PCDHGA8: variants seen among roughly 807,000 people sequenced by gnomAD.
PCDHGA8 encodes the protein protocadherin gamma subfamily A, 8, also known as protocadherin gamma-A8.
Under a neutral mutation model 59.2 loss-of-function variants are expected in PCDHGA8, and 45 were observed. The ratio of observed to expected loss-of-function variants is 0.76; its 90% CI spans 0.60 to 0.98. PCDHGA8 has a LOEUF of 0.98. Ranked by LOEUF, PCDHGA8 falls within the 50% of genes least tolerant of loss-of-function variation. PCDHGA8 has a pLI of 0.00. For synonymous variants in PCDHGA8, 531 were observed against 519.0 expected (o/e 1.02, Z -0.32); for missense variants, 1,257 against 1,196.2 (o/e 1.05, Z -0.75).
chr5:141,396,025 T>G (rs1486088514), intron 1 of PCDHGA8: 4 of 152,248 alleles, frequency 2.6e-5, no homozygotes, highest in African/African-American at 2.4e-5. Context: ...TTGTAAAATA[T>G]GTAAGAACAT....
rs144317211 is a variant in PCDHGA8 at position 141,432,088 on chromosome 5, A to G, written c.2424+36851A>G. On this transcript the variant is annotated intron_variant, in intron 1 of 3. Transcript: ENST00000398604. This position sits in a 1 kb window ranked among gnomAD's most constrained non-coding sequence, Gnocchi z 6.0. Reference sequence around the variant, plus strand: ...AAACTCATATCTCGCTGAACGTGGCAGACACCAACGACAACCCGCCGGTCT... The same window carrying G: ...AAACTCATATCTCGCTGAACGTGGCGGACACCAACGACAACCCGCCGGTCT... The G allele has an allele frequency of 6.2e-7, 1 of 1,614,148 alleles. No individual in the cohort carries two copies. Among genetic ancestry groups the G allele is most frequent in the South Asian group, 1.1e-5 (1 of 91,074 alleles).
rs773899530 is a variant in PCDHGA8 at position 141,494,864 on chromosome 5, G to A, written c.2482G>A (p.Gly828Ser). 1.6e-5 allele frequency: 26 copies of A among 1,613,950 alleles called. No individual in the cohort carries two copies. The Admixed American group carries it at 3.5e-4, about 22-fold the overall frequency. Reference protein sequence around the residue: ...FSQAQRPGTSGSQNGDDTGTW... With the variant: ...FSQAQRPGTSSSQNGDDTGTW... ...TCAGGCCCAGAGACCCGGCACCAGC[G>A]GGTAGGTGACTGATTCTCCAGCCCA... Residue 828 changes from glycine to serine, a missense_variant and splice_region_variant, in exon 2 of 4, where the codon GGC (glycine) becomes AGC (serine). Gly to Ser is a moderately conservative substitution (Grantham distance 56, BLOSUM62 0). Coordinates refer to ENST00000398604, the MANE Select transcript of PCDHGA8 (RefSeq NM_032088.2).
chr5:141,487,670 T>A lies in PCDHGA8; in HGVS notation c.2425-7137T>A. The A allele has an allele frequency of 6.2e-7, 1 of 1,612,302 alleles. No homozygotes were observed. Among genetic ancestry groups the A allele is most frequent in the Non-Finnish European group, 8.5e-7 (1 of 1,179,082 alleles). ...TGAGGGTTATTCTGATCCAGGCATA[T>A]GGCTAGGCCATGTCCTAGAGAGTAC... On this transcript the variant is annotated intron_variant, in intron 1 of 3. Transcript: ENST00000398604. This position sits in a 1 kb window ranked among gnomAD's most constrained non-coding sequence, Gnocchi z 5.0.
chr5:141,410,023 C>T (rs1172248089), intron 1 of PCDHGA8: 1 of 1,613,310 alleles, frequency 6.2e-7, no homozygotes, highest in South Asian at 1.1e-5. Flanking sequence ...TGTCCTACCA[C>T]GTGCTGCAGG....
chr5:141,467,897 A>G (rs1403276382), intron 1 of PCDHGA8, among the ~76,000 whole-genome samples: 1 of 152,056 alleles, frequency 6.6e-6, no homozygotes, highest in Non-Finnish European at 1.5e-5. Flanking sequence ...GAGCTCAAGA[A>G]ATCCGCCCAC....
intron 1 of PCDHGA8, among the ~76,000 whole-genome samples, chr5:141,429,629 C>G (rs2097230011): frequency 1.3e-5 from 2 of 152,160 alleles, no homozygotes; most frequent in Admixed American, 1.3e-4. Flanking sequence ...TATTTTCTCA[C>G]AGCTACCTAT....
In PCDHGA8 at chr5:141,476,321, G is replaced by GT; in HGVS notation, c.2425-18485dup. ...CCTCTCAGCCCGCAGGTTCCGGGTG[G>GT]TGTCTGGAGCTAGCCGAAGATTCTT... On this transcript the variant is annotated intron_variant, in intron 1 of 3. Coordinates refer to ENST00000398604, the MANE Select transcript of PCDHGA8 (RefSeq NM_032088.2). The surrounding 1 kb of genome is among the most constrained non-coding windows in gnomAD (Gnocchi z 7.6). The GT allele has an allele frequency of 6.2e-7, 1 of 1,614,196 alleles. No individual in the cohort carries two copies. Among genetic ancestry groups the GT allele is most frequent in the Non-Finnish European group, 8.5e-7 (1 of 1,180,050 alleles).
At chr5:141,465,504 G>T (rs2099104593) in intron 1 of PCDHGA8, among the ~76,000 whole-genome samples, 2 of 152,152 alleles carry the variant, frequency 1.3e-5, no homozygotes. Context: ...GCATTGTCGT[G>T]GTCAGGAAGG....
rs549801775 is a variant in PCDHGA8 at position 141,419,346 on chromosome 5, T to C, written c.2424+24109T>C. The C allele has an allele frequency of 6.2e-7, 1 of 1,613,828 alleles. No individual in the cohort carries two copies. The highest frequency in any genetic ancestry group is 2.2e-5 in the East Asian group (1 of 44,886). ...TCCTACTCTCTCATTGCCAGCGACCTGGAGTCACGAACGCTGTCGTCCTAC... is the reference window on the plus strand; with the variant it reads ...TCCTACTCTCTCATTGCCAGCGACCCGGAGTCACGAACGCTGTCGTCCTAC... On this transcript the variant is annotated intron_variant, in intron 1 of 3. Coordinates refer to ENST00000398604, the MANE Select transcript of PCDHGA8 (RefSeq NM_032088.2).
At chr5:141,420,216 T>C in intron 1 of PCDHGA8, 1 of 1,609,316 alleles carries the variant, frequency 6.2e-7, no homozygotes, top group African/African-American at 1.3e-5. Context: ...AAAGATAGCA[T>C]GCTACTGGCT....
At position 141,423,457 on chromosome 5, in the gene PCDHGA8, G is replaced by A. The variant is rs148481587; in HGVS notation, c.2424+28220G>A. 6.9e-5 allele frequency: 111 copies of A among 1,614,010 alleles called. 2 individuals carry two copies. The South Asian group carries it at 9.3e-4, about 14-fold the overall frequency. ...TATGCCCACGTCACATTTTGTAGGC[G>A]TGGACGGGGTACAGGCTTTCCTGCA... On this transcript the variant is annotated intron_variant, in intron 1 of 3. Coordinates refer to ENST00000398604, the MANE Select transcript of PCDHGA8 (RefSeq NM_032088.2).
intron 1 of PCDHGA8, chr5:141,415,388 G>T: frequency 6.2e-7 from 1 of 1,614,236 alleles, no homozygotes; most frequent in Non-Finnish European, 8.5e-7. Context: ...GGCTTGACAG[G>T]TGTGTCCGGC....
chr5:141,498,273 A>G (rs1595516143), intron 2 of PCDHGA8, among the ~76,000 whole-genome samples: 1 of 152,038 alleles, frequency 6.6e-6, no homozygotes, highest in East Asian at 1.9e-4. Flanking sequence ...TCTTCAGTAA[A>G]CTTGGTTCAA....
chr5:141,405,376 G>A lies in PCDHGA8; in HGVS notation c.2424+10139G>A, dbSNP rs567557596. On this transcript the variant is annotated intron_variant, in intron 1 of 3. Coordinates refer to ENST00000398604, the MANE Select transcript of PCDHGA8 (RefSeq NM_032088.2). The stretch of plus-strand genomic sequence containing the variant: ...CTATAGAAGACACCCCTTTGGTTCC[G>A]GTGAGTTCATTTTTTTTCTTTCTTT... The A allele has an allele frequency of 4.3e-4, 696 of 1,602,156 alleles. 3 individuals carry two copies. In the South Asian group the frequency reaches 6.8e-3, roughly 16 times the overall value.
intron 1 of PCDHGA8, chr5:141,404,979 G>A (rs771576875): frequency 6.2e-7 from 1 of 1,613,994 alleles, no homozygotes; most frequent in Non-Finnish European, 8.5e-7. Context: ...GCTGACCTGG[G>A]CAGTCTTCAG....
At chr5:141,398,255 A>T (rs1244403375) in intron 1 of PCDHGA8, 1 of 1,457,928 alleles carries the variant, frequency 6.9e-7, no homozygotes, top group African/African-American at 1.4e-5. Context: ...GAAATGCCCA[A>T]GGGCTCCGTA....
At chr5:141,418,145 T>G in intron 1 of PCDHGA8, 4 of 1,614,052 alleles carry the variant, frequency 2.5e-6, no homozygotes, top group Non-Finnish European at 3.4e-6. Flanking sequence ...TGAGCAAATA[T>G]GCAAAGAGAG....
intron 1 of PCDHGA8, chr5:141,399,577 T>C: frequency 1.2e-6 from 2 of 1,613,972 alleles, no homozygotes; most frequent in Non-Finnish European, 1.7e-6. Context: ...CGGCCAAGTC[T>C]CCTACTCTAT....
chr5:141,419,203 C>T (rs201698529), intron 1 of PCDHGA8: 140 of 1,613,988 alleles, frequency 8.7e-5, no homozygotes, highest in Non-Finnish European at 1.2e-4. Flanking sequence ...TCAATGACAA[C>T]GCGCCGGTTT....
Sources: allele counts gnomAD v4.1 joint callset (sites outside exome capture counted in the v4.1 genomes callset), GRCh38; gene constraint gnomAD v4.1.1; non-coding constraint Gnocchi (gnomAD v3.1); transcripts MANE v1.5; gene names NCBI Gene and HGNC (gene_info 2026-07-23, HGNC 2026-07-21).